PLXNA4: variants seen among roughly 807,000 people sequenced by gnomAD.
The protein encoded by PLXNA4 is plexin A4, also known as plexin-A4.
Under a neutral mutation model 191.8 loss-of-function variants are expected in PLXNA4, and 44 were observed. That is an observed-to-expected ratio of 0.23 (90% CI 0.18 to 0.29). PLXNA4 has a LOEUF of 0.29. PLXNA4 is among the 10% of genes least tolerant of loss of function. The pLI is 1.00. For missense variants in PLXNA4, 1,800 were observed against 2,488.8 expected (o/e 0.72, Z 5.89); for synonymous variants, 1,082 against 1,009.5 (o/e 1.07, Z -1.36).
At chr7:132,559,470 C>T (rs186836840) in intron 1 of PLXNA4, among the ~76,000 whole-genome samples, 12 of 152,276 alleles carry the variant, frequency 7.9e-5, no homozygotes, top group East Asian at 5.8e-4. Flanking sequence ...CCTGAACTCC[C>T]GGGGTCCCTC....
intron 1 of PLXNA4, among the ~76,000 whole-genome samples, chr7:132,532,116 AG>A (rs1251579932): frequency 1.3e-5 from 2 of 152,222 alleles, no homozygotes; most frequent in African/African-American, 4.8e-5. Flanking sequence ...CCTCCCTTAA[AG>A]CCAACACAGG....
chr7:132,225,213 T>C (rs925681098), intron 8 of PLXNA4, among the ~76,000 whole-genome samples: 24 of 152,214 alleles, frequency 1.6e-4, no homozygotes, highest in African/African-American at 5.5e-4. Context: ...GAAAAGATAA[T>C]ATAATAATGG....
chr7:132,207,911 T>C (rs1017016421), intron 10 of PLXNA4, among the ~76,000 whole-genome samples: 3 of 152,230 alleles, frequency 2.0e-5, no homozygotes, highest in African/African-American at 7.2e-5. Context: ...TTAGGGGATG[T>C]GTTATGAAAC....
At chr7:132,474,448 A>G (rs565373891) in intron 3 of PLXNA4, among the ~76,000 whole-genome samples, 2 of 152,088 alleles carry the variant, frequency 1.3e-5, no homozygotes, top group Non-Finnish European at 2.9e-5. Flanking sequence ...AGCCTTGCAG[A>G]GCTGAGCCTG....
At chr7:132,293,481 G>A (rs1473318109) in intron 4 of PLXNA4, among the ~76,000 whole-genome samples, 2 of 152,114 alleles carry the variant, frequency 1.3e-5, no homozygotes, top group African/African-American at 2.4e-5. Context: ...CTTTCACCAG[G>A]TCCCTTCCAC....
At chr7:132,154,393 G>A (rs1404980245) in intron 25 of PLXNA4, among the ~76,000 whole-genome samples, 1 of 145,872 alleles carries the variant, frequency 6.9e-6, no homozygotes, top group African/African-American at 2.5e-5. Flanking sequence ...AGCAGGAGGG[G>A]TGACATCTAA....
At chr7:132,448,794 A>AACT (rs1351233856) in intron 3 of PLXNA4, among the ~76,000 whole-genome samples, 2 of 152,246 alleles carry the variant, frequency 1.3e-5, no homozygotes, top group Non-Finnish European at 2.9e-5. Context: ...AAGGGCTCTG[A>AACT]ACTATAGACT....
intron 1 of PLXNA4, among the ~76,000 whole-genome samples, chr7:132,534,366 G>T (rs1428294626): frequency 6.6e-6 from 1 of 152,130 alleles, no homozygotes; most frequent in Non-Finnish European, 1.5e-5. Flanking sequence ...CTGTGAGAGG[G>T]CCCATGAAAC....
chr7:132,134,083 C>G (rs991099074), intron 30 of PLXNA4, among the ~76,000 whole-genome samples: 1 of 152,168 alleles, frequency 6.6e-6, no homozygotes, highest in Non-Finnish European at 1.5e-5. Flanking sequence ...TGGGGGAGGA[C>G]AGTCTGCAGG....
intron 2 of PLXNA4, among the ~76,000 whole-genome samples, chr7:132,614,794 G>A (rs1383658215): frequency 2.6e-5 from 4 of 152,118 alleles, no homozygotes; most frequent in Non-Finnish European, 5.9e-5. Flanking sequence ...GGGAAATGCC[G>A]GAGACACCTC....
In PLXNA4 at chr7:132,130,236, TG is replaced by T; in HGVS notation, c.*242del. 1 of 507,222 alleles carries T rather than the reference TG, an allele frequency of 2.0e-6. No individual in the cohort carries two copies. Among genetic ancestry groups the T allele is most frequent in the Non-Finnish European group, 3.5e-6 (1 of 285,742 alleles). 31.4% of individuals were successfully genotyped at this position (507,222 alleles called of 1,614,324 possible). On this transcript the variant is annotated 3_prime_UTR_variant, in exon 32 of 32. Transcript: ENST00000321063. ...CTGGTCAGCTCCCTTGCCATGGGCC[TG>T]GCCATTCTTGGACTAACTGAGGGTC...
chr7:132,289,838 A>AT (rs67691950), intron 4 of PLXNA4, among the ~76,000 whole-genome samples: 30,807 of 147,450 alleles, frequency 0.21, 3,784 homozygotes, highest in South Asian at 0.45. Flanking sequence ...CAGCTAATTA[A>AT]TTTTTTTTTT....
chr7:132,590,477 C>T (rs1802586731), intron 2 of PLXNA4, among the ~76,000 whole-genome samples: 1 of 152,178 alleles, frequency 6.6e-6, no homozygotes, highest in Admixed American at 6.5e-5. Flanking sequence ...AGTCCCAAAA[C>T]CTCTGAAGTA....
At chr7:132,585,702 G>A (rs2116818697) in intron 2 of PLXNA4, among the ~76,000 whole-genome samples, 1 of 152,288 alleles carries the variant, frequency 6.6e-6, no homozygotes, top group African/African-American at 2.4e-5. Context: ...CAGGTACTTG[G>A]TGATGGCTCC....
chr7:132,642,404 T>C (rs901690745), intron 2 of PLXNA4, among the ~76,000 whole-genome samples: 4 of 152,088 alleles, frequency 2.6e-5, no homozygotes, highest in African/African-American at 4.8e-5. Context: ...ATTACAAGTC[T>C]ACAGAATGCT....
intron 9 of PLXNA4, among the ~76,000 whole-genome samples, chr7:132,220,595 C>A (rs949387501): frequency 1.3e-5 from 2 of 152,050 alleles, no homozygotes; most frequent in Non-Finnish European, 2.9e-5. Flanking sequence ...CATACAGCTC[C>A]ATATCCTTCT....
chr7:132,519,547 A>C (rs1585264066), intron 1 of PLXNA4, among the ~76,000 whole-genome samples: 1 of 152,134 alleles, frequency 6.6e-6, no homozygotes, highest in African/African-American at 2.4e-5. Flanking sequence ...AGGCTTGTCC[A>C]GCTGACATTT....
Position 132,508,111 on chromosome 7 carries a change from A to G in PLXNA4, c.583T>C (p.Tyr195His). The change falls in exon 2 of 32, where the codon TAT becomes CAT. Residue 195 changes from tyrosine (Y) to histidine (H), a missense_variant. Physicochemically the swap from Tyr to His is moderately conservative, Grantham distance 83. Around this residue, in one of 6 missense-constraint regions of PLXNA4, gnomAD observed 1,397 missense variants for 1,880.4 expected, o/e 0.74. Transcript: ENST00000321063. The surrounding 1 kb of genome is among the most constrained non-coding windows in gnomAD (Gnocchi z 4.4). ...IATAVDGKPE[Y>H]FPTISSRKLT... ...TTCCGGCTGGAGATGGTGGGAAAAT[A>G]CTCGGGCTTCCCATCCACTGCCGTG... The G allele has an allele frequency of 6.2e-6, 10 of 1,614,040 alleles. No individual in the cohort carries two copies. Among genetic ancestry groups the G allele is most frequent in the Non-Finnish European group, 8.5e-6 (10 of 1,180,016 alleles).
rs2116856493 is a variant in PLXNA4, at chr7:132,613,170, C to T, written c.-87+32758G>A. ...AGAGAAAATGCCCTTTGGTCTCATG[C>T]AGCTTTCCTCCTCCCTCCCTGGGCT... On this transcript the variant is annotated intron_variant, in intron 2 of 4. Transcript: ENST00000378539. 2.0e-5 allele frequency among the ~76,000 whole-genome samples: 3 copies of T among 152,284 alleles called. No homozygotes were observed. In the Middle Eastern group the frequency reaches 0.01, roughly 518 times the overall value.
Sources: allele counts gnomAD v4.1 joint callset (sites outside exome capture counted in the v4.1 genomes callset), GRCh38; gene constraint gnomAD v4.1.1; regional missense constraint gnomAD v4.1.1; non-coding constraint Gnocchi (gnomAD v3.1); transcripts MANE v1.5; gene names NCBI Gene and HGNC (gene_info 2026-07-23, HGNC 2026-07-21).